CNTRL: variants seen among roughly 807,000 people sequenced by gnomAD.
The protein encoded by CNTRL is 110 kDa centrosomal protein.
A neutral mutation model predicts 303.7 loss-of-function variants in CNTRL; 233 were observed. That is an observed-to-expected ratio of 0.77 (90% CI 0.69 to 0.86). The LOEUF is 0.86. Ranked by LOEUF, CNTRL falls within the 40% of genes least tolerant of loss-of-function variation. CNTRL has a pLI of 0.00. For missense variants in CNTRL, 2,524 were observed against 2,650.6 expected (o/e 0.95, Z 1.05); for synonymous variants, 900 against 922.2 (o/e 0.98, Z 0.44).
In CNTRL at chr9:121,177,320, T is replaced by C; in HGVS notation, c.*134T>C. 1.3e-6 allele frequency: 1 copy of C among 744,792 alleles called. No individual in the cohort carries two copies. 46.1% of individuals were successfully genotyped at this position (744,792 alleles called of 1,614,324 possible). On this transcript the variant is annotated 3_prime_UTR_variant, in exon 44 of 44. Coordinates refer to ENST00000373855, the MANE Select transcript of CNTRL (RefSeq NM_007018.6). The stretch of plus-strand genomic sequence containing the variant: ...ATTCTGAAACTCCACTGTAGTTTAC[T>C]TTGCCTGTACCATTAATGCCAATGT...
chr9:121,144,855 G>A lies in CNTRL; in HGVS notation c.3064G>A (p.Ala1022Thr). ...NQERAEELQE[A>T]ERFSRKAAQA... Reference sequence around the variant, plus strand: ...TCTGTCCCAGTAGGAGTTGCAGGAAGCAGAGAGGTTCAGCAGAAAGGCAGC... The same window carrying A: ...TCTGTCCCAGTAGGAGTTGCAGGAAACAGAGAGGTTCAGCAGAAAGGCAGC... The change falls in exon 21 of 44, where the codon GCA becomes ACA. Residue 1022 changes from alanine to threonine, a missense_variant. Physicochemically the swap from Ala to Thr is moderately conservative, Grantham distance 58. Coordinates refer to ENST00000373855, the MANE Select transcript of CNTRL (RefSeq NM_007018.6). The A allele has an allele frequency of 6.2e-7, 1 of 1,613,094 alleles. No individual in the cohort carries two copies. The highest frequency in any genetic ancestry group is 1.1e-5 in the South Asian group (1 of 91,046).
In CNTRL at chr9:121,112,473, C is replaced by T. The variant is rs1449124184; in HGVS notation, c.1017C>T (p.Thr339=). Residue 339 remains threonine (T), a synonymous_variant, in exon 9 of 44, where the codon ACC becomes ACT. Coordinates refer to ENST00000373855, the MANE Select transcript of CNTRL (RefSeq NM_007018.6). ...TGGGCCAATAGCTAAAACAGAAGACCATAGAATTAACACGAGCATGTCAGA... is the reference window on the plus strand; with the variant it reads ...TGGGCCAATAGCTAAAACAGAAGACTATAGAATTAACACGAGCATGTCAGA... ...NTKNELLKQK[T]IELTRACQKQ... The T allele has an allele frequency of 6.2e-7, 1 of 1,612,516 alleles. No individual in the cohort carries two copies. Among genetic ancestry groups the T allele is most frequent in the Admixed American group, 1.7e-5 (1 of 59,946 alleles).
At position 121,098,333 on chromosome 9, in the gene CNTRL, A is replaced by G. The variant is rs905438674; in HGVS notation, c.622-53A>G. ...CCTTGATTTGTAACTTCCTTTAAGTATGTTATGATTTTTAAATTAAATTAT... is the reference window on the plus strand; with the variant it reads ...CCTTGATTTGTAACTTCCTTTAAGTGTGTTATGATTTTTAAATTAAATTAT... On this transcript the variant is annotated intron_variant, in intron 6 of 43. Coordinates refer to ENST00000373855, the MANE Select transcript of CNTRL (RefSeq NM_007018.6). 9 of 1,299,458 alleles carry G rather than the reference A, an allele frequency of 6.9e-6. No homozygotes were observed. In the African/African-American group the frequency reaches 8.9e-5, roughly 13 times the overall value. The allele number at this position is 1,299,458 out of a possible 1,614,324, so 80.5% of individuals were successfully genotyped here. A position where few individuals can be genotyped will look rare whatever the true frequency, so the allele number is the denominator to read the frequency against.
chr9:121,146,501 A>G (rs2051865291), intron 23 of CNTRL, among the ~76,000 whole-genome samples: 1 of 152,140 alleles, frequency 6.6e-6, no homozygotes, highest in Admixed American at 6.5e-5. Flanking sequence ...CTCTAAGGAG[A>G]AAAGGTGATT....
chr9:121,137,957 G>T (rs2051286177), intron 15 of CNTRL, among the ~76,000 whole-genome samples: 1 of 152,076 alleles, frequency 6.6e-6, no homozygotes, highest in South Asian at 2.1e-4. Flanking sequence ...GCCAGGATTG[G>T]TCTTCAAACC....
At chr9:121,087,321 T>G (rs773778079) in intron 2 of CNTRL, among the ~76,000 whole-genome samples, 1 of 152,034 alleles carries the variant, frequency 6.6e-6, no homozygotes, top group Non-Finnish European at 1.5e-5. Context: ...GGACTGAGTG[T>G]AGGATGCCAA....
intron 3 of CNTRL, among the ~76,000 whole-genome samples, chr9:121,089,320 A>T (rs913131039): frequency 6.6e-6 from 1 of 152,258 alleles, no homozygotes; most frequent in African/African-American, 2.4e-5. Flanking sequence ...ACCAAAATAA[A>T]TTTAATACTA....
chr9:121,143,919 C>T lies in CNTRL; in HGVS notation c.2888C>T (p.Ala963Val), dbSNP rs747048402. The part of the protein sequence containing the change: ...ELEKKKKLED[A>V]KSQEQVFGLD... ...TTATTTTAGAAGAAACTTGAAGATG[C>T]CAAATCTCAGGAGCAAGTTTTTGGT... is the stretch of plus-strand genomic sequence containing the variant. Residue 963 changes from alanine to valine, a missense_variant, in exon 20 of 44, where the codon GCC (alanine) becomes GTC (valine). Physicochemically the swap from Ala to Val is moderately conservative, Grantham distance 64. Transcript: ENST00000373855. The T allele has an allele frequency of 2.5e-6, 4 of 1,592,702 alleles. No homozygotes were observed. In the Admixed American group the frequency reaches 5.7e-5, roughly 23 times the overall value.
At chr9:121,120,413 A>G (rs2050174618) in intron 12 of CNTRL, among the ~76,000 whole-genome samples, 1 of 152,200 alleles carries the variant, frequency 6.6e-6, no homozygotes, top group Non-Finnish European at 1.5e-5. Flanking sequence ...AAAATGGGGT[A>G]TTTTAAGTAA....
At chr9:121,119,080 A>ATG (rs3047904) in intron 12 of CNTRL, among the ~76,000 whole-genome samples, 29,201 of 148,264 alleles carry the variant, frequency 0.2, 3,335 homozygotes, top group East Asian at 0.45. Flanking sequence ...ACATAAATAT[A>ATG]TGTGTGTGTG....
intron 7 of CNTRL, among the ~76,000 whole-genome samples, chr9:121,107,132 A>C (rs1031912342): frequency 5.9e-5 from 9 of 152,290 alleles, no homozygotes; most frequent in Admixed American, 5.9e-4. Context: ...ACCTGGTGAC[A>C]GGATAGGGCC....
rs1182807635 is a variant in CNTRL, at chr9:121,167,507, A to G, written c.5674A>G (p.Lys1892Glu). Residue 1892 changes from lysine to glutamate, a missense_variant, in exon 37 of 44, where the codon AAG (lysine) becomes GAG (glutamate). Physicochemically the swap from Lys to Glu is moderately conservative, Grantham distance 56. Coordinates refer to ENST00000373855, the MANE Select transcript of CNTRL (RefSeq NM_007018.6). The stretch of plus-strand genomic sequence containing the variant: ...CCTAAAGGACCTGCTTCACACCACC[A>G]AGCATCAGGATGTGTTGCTCAGTGA... ...LAKQDLLHTT[K>E]HQDVLLSEQT... 2 of 1,613,396 alleles carry G rather than the reference A, an allele frequency of 1.2e-6. No individual in the cohort carries two copies. The highest frequency in any genetic ancestry group is 2.7e-5 in the African/African-American group (2 of 74,856).
chr9:121,083,798 T>G (rs977363148), intron 2 of CNTRL, among the ~76,000 whole-genome samples: 5 of 152,234 alleles, frequency 3.3e-5, no homozygotes, highest in African/African-American at 9.6e-5. Flanking sequence ...ATGTGAGTAA[T>G]GTGTAGCACT....
intron 2 of CNTRL, among the ~76,000 whole-genome samples, chr9:121,083,092 G>T (rs1472098935): frequency 6.6e-6 from 1 of 152,090 alleles, no homozygotes; most frequent in East Asian, 1.9e-4. Flanking sequence ...TTCTTTCCCA[G>T]TTAGTCGGTG....
At position 121,096,492 on chromosome 9, in the gene CNTRL, ATTC is replaced by A. The variant is rs2048896965; in HGVS notation, c.551_553del (p.Ile184_Pro185delinsThr). On this transcript the variant is annotated inframe_deletion, in exon 6 of 44. Coordinates refer to ENST00000373855, the MANE Select transcript of CNTRL (RefSeq NM_007018.6). ...CCTTGCAGGAAATGAAATTGAGCATATTCCAGTATGGTTAGGGAAGAAGTTAAA... is the reference window on the plus strand; with the variant it reads ...CCTTGCAGGAAATGAAATTGAGCATACAGTATGGTTAGGGAAGAAGTTAAA... 6.4e-7 allele frequency: 1 copy of A among 1,571,572 alleles called. No individual in the cohort carries two copies.
chr9:121,141,634 A>G, intron 18 of CNTRL, 46 bp downstream of exon 18: 1 of 1,538,506 alleles, frequency 6.5e-7, no homozygotes, highest in Admixed American at 1.7e-5. Flanking sequence ...TTTGGCAAAT[A>G]TTAATGTTTT....
rs574075395 is a variant in CNTRL at position 121,177,361 on chromosome 9, G to A, written c.*175G>A. On this transcript the variant is annotated 3_prime_UTR_variant, in exon 44 of 44. Transcript: ENST00000373855. ...ATGCCAATGTTTTTATAAATCACTT[G>A]TACATAGTACATATGGGAATAGTTG... is the stretch of plus-strand genomic sequence containing the variant. 4 of 564,872 alleles carry A rather than the reference G, an allele frequency of 7.1e-6. No individual in the cohort carries two copies. In the African/African-American group the frequency reaches 7.8e-5, roughly 11 times the overall value. 35.0% of individuals were successfully genotyped at this position (564,872 alleles called of 1,614,324 possible).
chr9:121,161,543 T>A, intron 32 of CNTRL: 1 of 342,548 alleles, frequency 2.9e-6, no homozygotes, highest in Non-Finnish European at 5.2e-6. Flanking sequence ...AGATGGGATC[T>A]TGCTCTGTCA....
At chr9:121,155,260 T>C (rs981179455) in intron 27 of CNTRL, among the ~76,000 whole-genome samples, 2 of 152,230 alleles carry the variant, frequency 1.3e-5, no homozygotes, top group African/African-American at 2.4e-5. Context: ...ATTTGGGTTC[T>C]GCTACCTGTG....
Sources: gnomAD v4.1 joint callset for allele counts (sites outside exome capture counted in the v4.1 genomes callset) on GRCh38, gnomAD v4.1.1 for gene constraint, MANE v1.5 for transcripts, NCBI Gene and HGNC (gene_info 2026-07-23, HGNC 2026-07-21) for gene names.